The following RPRD2 variants were observed in gnomAD, a reference collection of about 807,000 sequenced individuals.
RPRD2 encodes the protein regulation of nuclear pre-mRNA domain-containing protein 2.
Under a neutral mutation model 104.4 loss-of-function variants are expected in RPRD2, and 12 were observed. The observed-to-expected ratio is 0.11, with a 90% CI of 0.07 to 0.19. RPRD2 has a LOEUF of 0.19. Ranked by LOEUF, RPRD2 falls within the 10% of genes least tolerant of loss-of-function variation. The pLI, the probability that RPRD2 is intolerant of heterozygous loss-of-function variation, is 1.00. For synonymous variants in RPRD2, 714 were observed against 684.9 expected, an observed-to-expected ratio of 1.04 and a Z score of -0.66; for missense variants, 1,543 against 1,790.1, an observed-to-expected ratio of 0.86 and a Z score of 2.49.
chr1:150,468,355 A>T (rs180993665), intron 10 of RPRD2, among the ~76,000 whole-genome samples: 11 of 88,698 alleles, frequency 1.2e-4, no homozygotes, highest in East Asian at 6.0e-4. Context: ...AAAAATAATT[A>T]AAAAAAAAAA....
rs376327131 is a variant in RPRD2, at chr1:150,471,762, C to T, written c.2814C>T (p.Phe938=). The T allele has an allele frequency of 7.2e-5, 116 of 1,613,788 alleles. No individual in the cohort carries two copies. The highest frequency in any genetic ancestry group is 1.9e-4 in the African/African-American group (14 of 74,900). The stretch of plus-strand genomic sequence containing the variant: ...CACCGAGTAAGAATGATTCATTTTT[C>T]ACCCCTGACTCCAACCACAATAGCT... ...SPSPSKNDSF[F]TPDSNHNSLS... Residue 938 remains phenylalanine, a synonymous_variant, in exon 11 of 11, where the codon TTC becomes TTT. Transcript: ENST00000369068. The surrounding 1 kb of genome is among the most constrained non-coding windows in gnomAD (Gnocchi z 5.3).
At chr1:150,371,872 A>G (rs192430920) in intron 1 of RPRD2, among the ~76,000 whole-genome samples, 1 of 152,298 alleles carries the variant, frequency 6.6e-6, no homozygotes, top group East Asian at 1.9e-4. Context: ...TAGACTATAT[A>G]GATTAACTAG....
chr1:150,457,336 G>T lies in RPRD2; in HGVS notation c.919G>T (p.Asp307Tyr). Residue 307 changes from aspartate (D) to tyrosine (Y), a missense_variant, in exon 8 of 11, where the codon GAT becomes TAT. Physicochemically the swap from Asp to Tyr is radical, Grantham distance 160. Coordinates refer to ENST00000369068, the MANE Select transcript of RPRD2 (RefSeq NM_015203.5). ...AGTAAACAATTTAAAGAAGAAGTTG[G>T]ATCAATTGAAGTCAACCCTTCCAGA... ...NRVNNLKKKL[D>Y]QLKSTLPDPE... is the part of the protein sequence containing the mutation. The T allele has an allele frequency of 6.2e-7, 1 of 1,608,074 alleles. No individual in the cohort carries two copies. Among genetic ancestry groups the T allele is most frequent in the Non-Finnish European group, 8.5e-7 (1 of 1,174,516 alleles).
At chr1:150,456,652 C>T (rs587601883) in intron 7 of RPRD2, among the ~76,000 whole-genome samples, 2 of 151,332 alleles carry the variant, frequency 1.3e-5, no homozygotes, top group South Asian at 2.1e-4. Context: ...CAGCCGAGCA[C>T]GGTGACTCAA....
At chr1:150,419,151 G>C (rs587617060) in intron 2 of RPRD2, among the ~76,000 whole-genome samples, 42 of 152,068 alleles carry the variant, frequency 2.8e-4, no homozygotes, top group Non-Finnish European at 5.6e-4. Flanking sequence ...TCTTATTTTT[G>C]CCCTGTATTA....
At chr1:150,455,401 C>T (rs1013660065) in intron 7 of RPRD2, among the ~76,000 whole-genome samples, 14 of 151,930 alleles carry the variant, frequency 9.2e-5, no homozygotes, top group Admixed American at 5.3e-4. Flanking sequence ...ACTCAGGAGG[C>T]TGAGGCAGGA....
intron 1 of RPRD2, among the ~76,000 whole-genome samples, chr1:150,398,891 C>T (rs1662754289): frequency 6.6e-6 from 1 of 152,018 alleles, no homozygotes; most frequent in African/African-American, 2.4e-5. Flanking sequence ...TGATGAAGTC[C>T]AGTTTATTTT....
intron 1 of RPRD2, among the ~76,000 whole-genome samples, chr1:150,408,327 G>A (rs1663650667): frequency 6.6e-6 from 1 of 151,716 alleles, no homozygotes; most frequent in Non-Finnish European, 1.5e-5. Context: ...ACCACGGCCA[G>A]CTAATTTTTG....
At chr1:150,385,452 C>T (rs993901155) in intron 1 of RPRD2, among the ~76,000 whole-genome samples, 1 of 151,988 alleles carries the variant, frequency 6.6e-6, no homozygotes, top group African/African-American at 2.4e-5. Context: ...CTAGCCTCGG[C>T]GGCAAAGCAA....
chr1:150,468,745 T>C (rs953998734), intron 10 of RPRD2, among the ~76,000 whole-genome samples: 5 of 152,142 alleles, frequency 3.3e-5, no homozygotes, highest in Non-Finnish European at 5.9e-5. Context: ...GGCATAGTGA[T>C]GTACACCTGT....
At chr1:150,418,978 C>T (rs1664566698) in intron 2 of RPRD2, among the ~76,000 whole-genome samples, 1 of 152,224 alleles carries the variant, frequency 6.6e-6, no homozygotes, top group Non-Finnish European at 1.5e-5. Flanking sequence ...CGCCACTGCA[C>T]TCCAGCCTGG....
At chr1:150,452,661 C>CTTTTTTTTTTTTT (rs782322743) in intron 7 of RPRD2, among the ~76,000 whole-genome samples, 3 of 71,234 alleles carry the variant, frequency 4.2e-5, no homozygotes, top group Admixed American at 1.9e-4. Flanking sequence ...GACATATCCC[C>CTTTTTTTTTTTTT]TTTTTTTTTT....
intron 2 of RPRD2, among the ~76,000 whole-genome samples, chr1:150,430,798 G>A (rs1406125797): frequency 2.6e-5 from 4 of 151,932 alleles, no homozygotes; most frequent in East Asian, 1.9e-4. Context: ...ACCTGGTGGC[G>A]CATGCCTGTA....
intron 1 of RPRD2, among the ~76,000 whole-genome samples, chr1:150,370,030 C>T (rs1469695104): frequency 1.3e-5 from 2 of 152,030 alleles, no homozygotes; most frequent in African/African-American, 4.8e-5. Flanking sequence ...GATTCGCCCA[C>T]CTCAGCCTCC....
intron 2 of RPRD2, among the ~76,000 whole-genome samples, chr1:150,429,418 G>A (rs1471845046): frequency 6.6e-6 from 1 of 151,856 alleles, no homozygotes; most frequent in African/African-American, 2.4e-5. Context: ...ACAGTGGCAC[G>A]ATCACGGCTC....
chr1:150,372,208 T>C (rs1660363836), intron 1 of RPRD2, among the ~76,000 whole-genome samples: 1 of 152,210 alleles, frequency 6.6e-6, no homozygotes, highest in African/African-American at 2.4e-5. Flanking sequence ...GAAATTTGTT[T>C]ATAAATCCCT....
intron 6 of RPRD2, among the ~76,000 whole-genome samples, chr1:150,444,929 G>A (rs1409458757): frequency 6.6e-6 from 1 of 152,198 alleles, no homozygotes; most frequent in Admixed American, 6.5e-5. Context: ...CACAGTGCCT[G>A]TAATCTCAGC....
intron 1 of RPRD2, among the ~76,000 whole-genome samples, chr1:150,370,023 T>G (rs1487276432): frequency 3.5e-5 from 5 of 143,946 alleles, no homozygotes; most frequent in African/African-American, 1.0e-4. Context: ...TTCAAGTGAT[T>G]CGCCCACCTC....
At chr1:150,435,935 G>A (rs921727761) in intron 2 of RPRD2, among the ~76,000 whole-genome samples, 1 of 152,200 alleles carries the variant, frequency 6.6e-6, no homozygotes, top group Non-Finnish European at 1.5e-5. Flanking sequence ...AGCTAATACA[G>A]CTGTCTGGCA....
Sources: allele counts gnomAD v4.1 joint callset (sites outside exome capture counted in the v4.1 genomes callset), GRCh38; gene constraint gnomAD v4.1.1; non-coding constraint Gnocchi (gnomAD v3.1); transcripts MANE v1.5; gene names NCBI Gene and HGNC (gene_info 2026-07-23, HGNC 2026-07-21).